PRKN: variants seen among roughly 807,000 people sequenced by gnomAD.
The protein encoded by PRKN is E3 ubiquitin-protein ligase parkin.
PRKN carries 56 observed loss-of-function variants against 59.5 expected under a neutral mutation model. The ratio of observed to expected loss-of-function variants is 0.94; its 90% CI spans 0.76 to 1.18. The LOEUF is 1.18. Among genes scored for constraint, PRKN ranks in the 50% most tolerant of loss-of-function variants. The pLI, the probability that PRKN is intolerant of heterozygous loss-of-function variation, is 0.00. For synonymous variants in PRKN, 250 were observed against 222.1 expected (o/e 1.13, Z -1.12); for missense variants, 657 against 596.4 (o/e 1.10, Z -1.06).
intron 9 of PRKN, among the ~76,000 whole-genome samples, chr6:161,505,287 A>AT (rs1392595184): frequency 6.6e-6 from 1 of 151,782 alleles, no homozygotes; most frequent in Non-Finnish European, 1.5e-5. Flanking sequence ...GATGGTGAGC[A>AT]TTTTTTCATG....
chr6:161,867,740 C>CATTCATTTATTAATTT (rs377654828), intron 6 of PRKN, among the ~76,000 whole-genome samples: 1 of 137,536 alleles, frequency 7.3e-6, no homozygotes, highest in Admixed American at 7.1e-5. Context: ...AAAAATCTTT[C>CATTCATTTATTAATTT]ATTTATTTAT....
intron 7 of PRKN, among the ~76,000 whole-genome samples, chr6:161,761,560 G>A (rs1302647849): frequency 6.6e-6 from 1 of 152,152 alleles, no homozygotes; most frequent in East Asian, 1.9e-4. Flanking sequence ...ATTAAAGACT[G>A]ACTTTATAAA....
In PRKN at chr6:161,467,479, A is replaced by C. The variant is rs1583106641; in HGVS notation, c.1084-80602T>G. Among the ~76,000 whole-genome samples, 1 of 152,300 alleles carries C rather than the reference A, an allele frequency of 6.6e-6. No individual in the cohort carries two copies. On this transcript the variant is annotated intron_variant, in intron 9 of 11. Coordinates refer to ENST00000366898, the MANE Select transcript of PRKN (RefSeq NM_004562.3). The surrounding 1 kb of genome is among the most constrained non-coding windows in gnomAD (Gnocchi z 4.3). ...ACGAGTAAGATGGGCATTTCTCTGT[A>C]AGCATATGGTCCAATGGGGAAGACC...
chr6:161,605,283 A>C (rs903035329), intron 7 of PRKN, among the ~76,000 whole-genome samples: 4 of 152,186 alleles, frequency 2.6e-5, no homozygotes, highest in African/African-American at 9.6e-5. Flanking sequence ...GAGAAAACAT[A>C]TATACAGCTA....
chr6:162,186,808 C>T (rs1399395716), intron 4 of PRKN, among the ~76,000 whole-genome samples: 1 of 152,196 alleles, frequency 6.6e-6, no homozygotes, highest in Non-Finnish European at 1.5e-5. Flanking sequence ...TCTCCTTTGC[C>T]TTCTGCGGTG....
intron 2 of PRKN, among the ~76,000 whole-genome samples, chr6:162,404,804 G>A (rs1376138341): frequency 6.6e-5 from 10 of 152,068 alleles, no homozygotes; most frequent in African/African-American, 1.7e-4. Flanking sequence ...TGCCCGCCTC[G>A]GCCTCCCAAA....
intron 1 of PRKN, among the ~76,000 whole-genome samples, chr6:162,525,424 C>T (rs1385904377): frequency 1.3e-5 from 2 of 152,164 alleles, no homozygotes; most frequent in East Asian, 1.9e-4. Flanking sequence ...ATGCTGGGCC[C>T]AGGCTGGCCA....
intron 1 of PRKN, among the ~76,000 whole-genome samples, chr6:162,530,736 G>A (rs1011043138): frequency 2.6e-5 from 4 of 152,052 alleles, no homozygotes; most frequent in Non-Finnish European, 5.9e-5. Flanking sequence ...ACAGAGACTC[G>A]CATCCTAAAA....
intron 6 of PRKN, among the ~76,000 whole-genome samples, chr6:161,939,418 CAAAAAA>C (rs34604240): frequency 7.6e-5 from 3 of 39,576 alleles, no homozygotes; most frequent in African/African-American, 1.1e-4. Flanking sequence ...GACTCTGTCT[CAAAAAA>C]AAAAAAAAAA....
Position 161,396,348 on chromosome 6 carries a change from T to A in PRKN, c.1084-9471A>T, listed in dbSNP as rs575883660. ...CTAAACAAACTTCTTGGCGGGCAAA[T>A]TTCAATATCTAACTGAGAATTCCCT... On this transcript the variant is annotated intron_variant, in intron 9 of 11. Coordinates refer to ENST00000366898, the MANE Select transcript of PRKN (RefSeq NM_004562.3). The surrounding 1 kb of genome is among the most constrained non-coding windows in gnomAD (Gnocchi z 5.4). 6.6e-6 allele frequency among the ~76,000 whole-genome samples: 1 copy of A among 152,178 alleles called. No homozygotes were observed. The highest frequency in any genetic ancestry group is 6.5e-5 in the Admixed American group (1 of 15,290).
chr6:161,893,884 G>A (rs1165173129), intron 6 of PRKN, among the ~76,000 whole-genome samples: 3 of 152,114 alleles, frequency 2.0e-5, no homozygotes, highest in Admixed American at 6.6e-5. Flanking sequence ...TGTTCTCCTC[G>A]ACGGATCTGG....
intron 1 of PRKN, among the ~76,000 whole-genome samples, chr6:162,525,775 T>C (rs1006572585): frequency 6.6e-6 from 1 of 152,188 alleles, no homozygotes. Context: ...CTCCACAAGG[T>C]TGTCAAATGA....
chr6:162,272,007 A>G (rs1195377813), intron 2 of PRKN, among the ~76,000 whole-genome samples: 1 of 152,210 alleles, frequency 6.6e-6, no homozygotes, highest in Non-Finnish European at 1.5e-5. Context: ...CACACTAATT[A>G]GCCAGTGCAG....
At chr6:162,120,948 T>G (rs995233602) in intron 4 of PRKN, among the ~76,000 whole-genome samples, 1 of 152,344 alleles carries the variant, frequency 6.6e-6, no homozygotes, top group Non-Finnish European at 1.5e-5. Context: ...AGCTTGTGAT[T>G]GCAATTGCAG....
chr6:161,644,587 G>A (rs182311905), intron 7 of PRKN, among the ~76,000 whole-genome samples: 103 of 152,304 alleles, frequency 6.8e-4, no homozygotes, highest in Non-Finnish European at 1.9e-4. Context: ...AAGTGTGGGC[G>A]CCTGACCTAG....
At position 161,774,400 on chromosome 6, in the gene PRKN, A is replaced by G. The variant is rs1029807545; in HGVS notation, c.871+11372T>C. On this transcript the variant is annotated intron_variant, in intron 7 of 11. Coordinates refer to ENST00000366898, the MANE Select transcript of PRKN (RefSeq NM_004562.3). ...TCCCTGAGCACACACACACACACAC[A>G]CACACACACACACACACACACACAC... 8.3e-5 allele frequency among the ~76,000 whole-genome samples: 9 copies of G among 108,046 alleles called. No individual in the cohort carries two copies. The South Asian group carries it at 1.9e-3, about 23-fold the overall frequency. The allele number at this position is 108,046 out of a possible 152,430, so 70.9% of individuals were successfully genotyped here.
intron 1 of PRKN, among the ~76,000 whole-genome samples, chr6:162,713,707 A>T (rs1467185206): frequency 6.6e-6 from 1 of 152,130 alleles, no homozygotes; most frequent in Admixed American, 6.5e-5. Context: ...GATTATTGGC[A>T]AAATATTTGT....
intron 6 of PRKN, among the ~76,000 whole-genome samples, chr6:161,970,190 T>G (rs770178176): frequency 6.6e-6 from 1 of 151,596 alleles, no homozygotes; most frequent in Non-Finnish European, 1.5e-5. Flanking sequence ...TACAGGTGCA[T>G]GCCATCATGC....
At position 161,544,763 on chromosome 6, in the gene PRKN, A is replaced by G. The variant is rs1395739684; in HGVS notation, c.1083+4091T>C. On this transcript the variant is annotated intron_variant, in intron 9 of 11. Coordinates refer to ENST00000366898, the MANE Select transcript of PRKN (RefSeq NM_004562.3). This position sits in a 1 kb window ranked among gnomAD's most constrained non-coding sequence, Gnocchi z 5.5. Reference sequence around the variant, plus strand: ...GACTGACATCATCACTTAAATGGAAATCCCTGTCTTCATTTATTAGTTAAG... The same window carrying G: ...GACTGACATCATCACTTAAATGGAAGTCCCTGTCTTCATTTATTAGTTAAG... Among the ~76,000 whole-genome samples, 1 of 152,168 alleles carries G rather than the reference A, an allele frequency of 6.6e-6. No individual in the cohort carries two copies. Among genetic ancestry groups the G allele is most frequent in the Non-Finnish European group, 1.5e-5 (1 of 68,022 alleles).
Sources: gnomAD v4.1 joint callset for allele counts (sites outside exome capture counted in the v4.1 genomes callset) on GRCh38, gnomAD v4.1.1 for gene constraint, Gnocchi (gnomAD v3.1) non-coding constraint, MANE v1.5 for transcripts, NCBI Gene and HGNC (gene_info 2026-07-23, HGNC 2026-07-21) for gene names.